Variants in GABRA3 observed in about 807,000 individuals in gnomAD.
GABRA3 encodes gamma-aminobutyric acid receptor subunit alpha-3.
Under a neutral mutation model 30.1 loss-of-function variants are expected in GABRA3, and 10 were observed. The observed-to-expected ratio is 0.33, with a 90% confidence interval of 0.20 to 0.56. The LOEUF is 0.56. Ranked by LOEUF, GABRA3 falls within the 20% of genes least tolerant of loss-of-function variation. The pLI is 0.89. For synonymous variants in GABRA3, 151 were observed against 146.8 expected, an observed-to-expected ratio of 1.03 and a Z score of -0.21; for missense variants, 233 against 392.0, an observed-to-expected ratio of 0.59 and a Z score of 3.42.
intron 1 of GABRA3, among the ~76,000 whole-genome samples, chrX:152,415,540 T>C (rs956256758): frequency 2.7e-5 from 3 of 110,985 alleles, no homozygotes; most frequent in Non-Finnish European, 3.8e-5. Context: ...TTGATTGTGA[T>C]GGGGATTACA....
intron 3 of GABRA3, among the ~76,000 whole-genome samples, chrX:152,302,567 A>C (rs1939650046): frequency 9.0e-6 from 1 of 111,599 alleles, no homozygotes; most frequent in Non-Finnish European, 1.9e-5. Flanking sequence ...CATAGCCTGA[A>C]GGTAATTTTA....
chrX:152,186,869 C>T (rs1466022418), intron 9 of GABRA3: 6 of 111,152 alleles, frequency 5.4e-5, no homozygotes, highest in Middle Eastern at 4.2e-3. Context: ...GCAGTCTGCC[C>T]GCTTCGTGAG....
chrX:152,446,884 G>C (rs1412468120), intron 1 of GABRA3, among the ~76,000 whole-genome samples: 1 of 111,616 alleles, frequency 9.0e-6, no homozygotes, highest in Non-Finnish European at 1.9e-5. Context: ...CATCTATCTT[G>C]CCAAACACAT....
intron 1 of GABRA3, among the ~76,000 whole-genome samples, chrX:152,397,291 C>CT (rs748364414): frequency 4.8e-4 from 54 of 112,302 alleles, no homozygotes; most frequent in Non-Finnish European, 6.0e-4. Flanking sequence ...AAAAAGCAAA[C>CT]TTTAATATGC....
At chrX:152,405,691 C>T (rs1025263826) in intron 1 of GABRA3, among the ~76,000 whole-genome samples, 1 of 111,732 alleles carries the variant, frequency 8.9e-6, no homozygotes, top group African/African-American at 3.3e-5. Context: ...GCCCTAGCTC[C>T]TGGATGGCAT....
intron 6 of GABRA3, among the ~76,000 whole-genome samples, chrX:152,215,056 T>TATATA (rs1422105758): frequency 0.018 from 1,884 of 102,358 alleles, 34 homozygotes; most frequent in Middle Eastern, 0.054. Flanking sequence ...ATATATATAT[T>TATATA]TTTTTATATG....
chrX:152,444,857 C>A (rs1462357840), intron 1 of GABRA3, among the ~76,000 whole-genome samples: 1 of 90,618 alleles, frequency 1.1e-5, no homozygotes, highest in Non-Finnish European at 2.2e-5. Flanking sequence ...GTCAGGAGAT[C>A]GAGACCATCC....
At chrX:152,387,542 T>C (rs1195832599) in intron 1 of GABRA3, among the ~76,000 whole-genome samples, 1 of 111,657 alleles carries the variant, frequency 9.0e-6, no homozygotes, top group East Asian at 2.8e-4. Context: ...TTCTTAATTA[T>C]TCTAAAACAG....
chrX:152,194,613 G>T (rs1048773331), intron 8 of GABRA3, among the ~76,000 whole-genome samples: 9 of 111,544 alleles, frequency 8.1e-5, no homozygotes, highest in African/African-American at 2.0e-4. Flanking sequence ...AGGGTGCACA[G>T]ATATTGCCTT....
intron 6 of GABRA3, among the ~76,000 whole-genome samples, chrX:152,222,574 A>G (rs1397585897): frequency 9.1e-6 from 1 of 109,663 alleles, no homozygotes; most frequent in African/African-American, 3.3e-5. Flanking sequence ...CATTGGTTTT[A>G]AAACTTGGTT....
intron 9 of GABRA3, among the ~76,000 whole-genome samples, chrX:152,170,382 T>G (rs1936987940): frequency 8.9e-6 from 1 of 112,619 alleles, no homozygotes; most frequent in Non-Finnish European, 1.9e-5. Flanking sequence ...TGTGTAAACA[T>G]AGCCCACTAC....
intron 1 of GABRA3, among the ~76,000 whole-genome samples, chrX:152,420,048 A>G (rs916235814): frequency 7.1e-5 from 8 of 111,977 alleles, no homozygotes; most frequent in Non-Finnish European, 1.3e-4. Flanking sequence ...ATAGATGTAG[A>G]AAAAAAATCT....
At chrX:152,192,138 C>G (rs1184447463) in intron 8 of GABRA3, among the ~76,000 whole-genome samples, 1 of 111,972 alleles carries the variant, frequency 8.9e-6, no homozygotes, top group Non-Finnish European at 1.9e-5. Context: ...TTTTGGAGCT[C>G]TAGTCTCTAG....
At chrX:152,420,155 T>A (rs903436631) in intron 1 of GABRA3, among the ~76,000 whole-genome samples, 1 of 111,649 alleles carries the variant, frequency 9.0e-6, no homozygotes. Flanking sequence ...AAAAACTCTA[T>A]AGTGAAAATC....
intron 3 of GABRA3, among the ~76,000 whole-genome samples, chrX:152,291,028 T>C (rs1034599664): frequency 1.9e-4 from 21 of 111,842 alleles, no homozygotes; most frequent in Non-Finnish European, 3.2e-4. Context: ...AACTTTAAAG[T>C]AGTTTTTTTC....
At chrX:152,199,282 C>T (rs188771793) in intron 7 of GABRA3, among the ~76,000 whole-genome samples, 379 of 104,777 alleles carry the variant, frequency 3.6e-3, no homozygotes, top group African/African-American at 0.011. Context: ...AGGAGAATGG[C>T]GTGAACCCAG....
chrX:152,249,752 C>A lies in GABRA3; in HGVS notation c.551+6026G>T, dbSNP rs896489560. Among the ~76,000 whole-genome samples, 4 of 110,934 alleles carry A rather than the reference C, an allele frequency of 3.6e-5. No homozygotes were observed. In the Admixed American group the frequency reaches 3.8e-4, roughly 11 times the overall value. On this transcript the variant is annotated intron_variant, in intron 5 of 9. Transcript: ENST00000370314. ...CTTTTAGTCCTTCAATGTATCATCA[C>A]TACCTTCTCCTCTCACTCTTCAAGC... is the stretch of plus-strand genomic sequence containing the variant.
In GABRA3 at chrX:152,208,105, A is replaced by G. The variant is rs747412714; in HGVS notation, c.674T>C (p.Leu225Pro). ...CACTTCCACGGATTTGTTCTTTCCGAGAGTCCAAGAATAAACCACTTCAGC... is the reference window on the plus strand; with the variant it reads ...CACTTCCACGGATTTGTTCTTTCCGGGAGTCCAAGAATAAACCACTTCAGC... ...TTAEVVYSWT[L>P]GKNKSVEVAQ... Residue 225 changes from leucine to proline, a missense_variant, in exon 7 of 10, where the codon CTC becomes CCC. By Grantham distance (98) the Leu-to-Pro change is moderately conservative (BLOSUM62 -3). Transcript: ENST00000370314. 9.1e-6 allele frequency: 11 copies of G among 1,211,153 alleles called. No individual in the cohort carries two copies. Among genetic ancestry groups the G allele is most frequent in the Non-Finnish European group, 1.1e-5 (10 of 894,705 alleles).
intron 1 of GABRA3, among the ~76,000 whole-genome samples, chrX:152,369,428 AGTCTCATCCCCTACTACCCTCCC>A (rs1928764396): frequency 9.0e-6 from 1 of 111,026 alleles, no homozygotes; most frequent in Non-Finnish European, 1.9e-5. Flanking sequence ...ATAGCTGGCT[AGTCTCATCCCCTACTACCCTCCC>A]GTCTCACACA....
Sources: allele counts gnomAD v4.1 joint callset (sites outside exome capture counted in the v4.1 genomes callset), GRCh38; gene constraint gnomAD v4.1.1; transcripts MANE v1.5; gene names NCBI Gene and HGNC (gene_info 2026-07-23, HGNC 2026-07-21).